COL6A3: variants seen among roughly 807,000 people sequenced by gnomAD.
COL6A3 encodes the protein collagen alpha-3(VI) chain.
A neutral mutation model predicts 274.1 loss-of-function variants in COL6A3; 137 were observed. The ratio of observed to expected loss-of-function variants is 0.50; its 90% CI spans 0.44 to 0.58. The LOEUF (loss-of-function observed/expected upper bound fraction) is 0.58. Ranked by LOEUF, COL6A3 falls within the 20% of genes least tolerant of loss-of-function variation. The pLI, the probability that COL6A3 is intolerant of heterozygous loss-of-function variation, is 0.00. For synonymous variants in COL6A3, 1,650 were observed against 1,650.6 expected (o/e 1.00, Z 0.01); for missense variants, 3,950 against 4,124.9 (o/e 0.96, Z 1.16).
At chr2:237,362,790 A>T (rs1438238647) in intron 14 of COL6A3, among the ~76,000 whole-genome samples, 1 of 152,182 alleles carries the variant, frequency 6.6e-6, no homozygotes, top group African/African-American at 2.4e-5. Context: ...CCTCAGAGGG[A>T]GCTTCATTGA....
chr2:237,349,673 TA>T (rs1439809117), intron 28 of COL6A3, among the ~76,000 whole-genome samples: 1 of 152,256 alleles, frequency 6.6e-6, no homozygotes, highest in African/African-American at 2.4e-5. Flanking sequence ...GGGGCATTTT[TA>T]AATAGCATTT....
rs562463481 is a variant in COL6A3 at position 237,331,953 on chromosome 2, C to T, written c.9328+1497G>A. Among the ~76,000 whole-genome samples the T allele has an allele frequency of 1.0e-4, 15 of 149,050 alleles. 1 individual carries two copies. In the South Asian group the frequency reaches 3.0e-3, roughly 30 times the overall value. On this transcript the variant is annotated intron_variant, in intron 42 of 43. Coordinates refer to ENST00000295550, the MANE Select transcript of COL6A3 (RefSeq NM_004369.4). ...GAAACACAAGCCCCAATTTCAAAAG[C>T]TCTTTTCTCTTTATCACAGGTAGAC...
At chr2:237,384,245 A>C (rs2078086641) in intron 4 of COL6A3, among the ~76,000 whole-genome samples, 1 of 152,150 alleles carries the variant, frequency 6.6e-6, no homozygotes, top group African/African-American at 2.4e-5. Flanking sequence ...TCTGTGAGCC[A>C]CGTCAGGGAT....
chr2:237,361,661 A>C lies in COL6A3; in HGVS notation c.6156+78T>G. On this transcript the variant is annotated intron_variant, in intron 15 of 43. Coordinates refer to ENST00000295550, the MANE Select transcript of COL6A3 (RefSeq NM_004369.4). The surrounding 1 kb of genome is among the most constrained non-coding windows in gnomAD (Gnocchi z 5.1). ...TCCTTCATCTCCACACTCTTCTGTT[A>C]GAGAAATTACCCCACCAAAGTAATG... 1.0e-5 allele frequency: 13 copies of C among 1,271,072 alleles called. No homozygotes were observed. The highest frequency in any genetic ancestry group is 1.5e-5 in the Non-Finnish European group (13 of 867,122). 78.7% of individuals were successfully genotyped at this position (1,271,072 alleles called of 1,614,324 possible). A position where few individuals can be genotyped will look rare whatever the true frequency, so the allele number is the denominator to read the frequency against.
In COL6A3 at chr2:237,377,077, T is replaced by C. The variant is rs778734855; in HGVS notation, c.2765A>G (p.Tyr922Cys). The change falls in exon 7 of 44, where the codon TAT (tyrosine) becomes TGT (cysteine). Residue 922 changes from tyrosine (Y) to cysteine (C), a missense_variant. Transcript: ENST00000295550. ...CTTCACAAAAATGTACCTCTGTGCA[T>C]AGTCCAGCGCGTAGCCCAGGTTGAG... The part of the protein sequence containing the change: ...KALNLGYALD[Y>C]AQRYIFVKSA... 3 of 1,614,232 alleles carry C rather than the reference T, an allele frequency of 1.9e-6. No individual in the cohort carries two copies. Among genetic ancestry groups the C allele is most frequent in the East Asian group, 2.2e-5 (1 of 44,890 alleles).
At chr2:237,370,332 A>C (rs1336179581) in intron 9 of COL6A3, among the ~76,000 whole-genome samples, 1 of 150,318 alleles carries the variant, frequency 6.7e-6, no homozygotes, top group Non-Finnish European at 1.5e-5. Flanking sequence ...TCTGCCTCCC[A>C]GGTTCAAGTG....
At chr2:237,410,303 T>TC (rs999562132) in intron 1 of COL6A3, among the ~76,000 whole-genome samples, 14 of 150,334 alleles carry the variant, frequency 9.3e-5, no homozygotes, top group Non-Finnish European at 2.1e-4. Flanking sequence ...TTCTTTTCTT[T>TC]TTTTTTTTTT....
chr2:237,352,126 C>G (rs1479179725), intron 26 of COL6A3, among the ~76,000 whole-genome samples: 1 of 152,176 alleles, frequency 6.6e-6, no homozygotes, highest in Non-Finnish European at 1.5e-5. Flanking sequence ...CATGGGTGAA[C>G]TTGAGGCACT....
chr2:237,334,759 C>T lies in COL6A3; in HGVS notation c.9096G>A (p.Leu3032=), dbSNP rs147327623. 1 of 1,614,138 alleles carries T rather than the reference C, an allele frequency of 6.2e-7. No individual in the cohort carries two copies. The highest frequency in any genetic ancestry group is 2.2e-5 in the East Asian group (1 of 44,870). Residue 3032 remains leucine (L), a synonymous_variant, in exon 41 of 44, where the codon CTG becomes CTA. Coordinates refer to ENST00000295550, the MANE Select transcript of COL6A3 (RefSeq NM_004369.4). ...LTVTSAHDQS[L]VLKQNLTVTD... ...TGACCGTGAGGTTCTGCTTCAGAAC[C>T]AGGGACTGATCATGGGCTGAGGTGA...
rs767654047 is a variant in COL6A3 at position 237,388,029 on chromosome 2, C to T, written c.865G>A (p.Glu289Lys). ...IRVGVVQFSD[E>K]PRTMFSLDTY... ...TCCAAGGAGAACATGGTTCTGGGCTCATCGCTAAACTGGACCACCCCCACT... is the reference window on the plus strand; with the variant it reads ...TCCAAGGAGAACATGGTTCTGGGCTTATCGCTAAACTGGACCACCCCCACT... Residue 289 changes from glutamate to lysine, a missense_variant, in exon 4 of 44, where the codon GAG becomes AAG. Glu to Lys is a moderately conservative substitution (Grantham distance 56). Transcript: ENST00000295550. The T allele has an allele frequency of 1.2e-6, 2 of 1,614,086 alleles. No homozygotes were observed. The highest frequency in any genetic ancestry group is 2.7e-5 in the African/African-American group (2 of 74,936).
intron 3 of COL6A3, among the ~76,000 whole-genome samples, chr2:237,392,643 T>C (rs1054662720): frequency 6.6e-6 from 1 of 152,260 alleles, no homozygotes; most frequent in African/African-American, 2.4e-5. Context: ...GGTTGCCCAC[T>C]CATTCTTTTT....
At chr2:237,331,352 G>A (rs1700214872) in intron 42 of COL6A3, among the ~76,000 whole-genome samples, 1 of 152,082 alleles carries the variant, frequency 6.6e-6, no homozygotes, top group South Asian at 2.1e-4. Context: ...CCACCCCAGG[G>A]GAAATAGTTA....
chr2:237,383,060 C>T (rs1463449107), intron 4 of COL6A3, among the ~76,000 whole-genome samples: 1 of 152,146 alleles, frequency 6.6e-6, no homozygotes, highest in African/African-American at 2.4e-5. Flanking sequence ...CAGCCTCCCA[C>T]AGTGCTGGGA....
intron 1 of COL6A3, among the ~76,000 whole-genome samples, chr2:237,401,495 G>C (rs914464208): frequency 3.9e-5 from 6 of 152,086 alleles, no homozygotes; most frequent in Admixed American, 3.3e-4. Flanking sequence ...ATTGATTATA[G>C]ATTTCCAAGG....
intron 4 of COL6A3, among the ~76,000 whole-genome samples, chr2:237,387,008 T>A (rs1164372587): frequency 1.3e-5 from 2 of 152,124 alleles, no homozygotes; most frequent in Non-Finnish European, 2.9e-5. Flanking sequence ...ACTCCTACAC[T>A]TCACAAGCAC....
chr2:237,343,988 A>G (rs186474983), intron 36 of COL6A3: 2 of 373,858 alleles, frequency 5.3e-6, no homozygotes, highest in Non-Finnish European at 1.0e-5. Flanking sequence ...ACAGGGGGCC[A>G]TCTTGGGAGG....
At chr2:237,353,941 A>G (rs2077261623) in intron 24 of COL6A3, among the ~76,000 whole-genome samples, 1 of 152,208 alleles carries the variant, frequency 6.6e-6, no homozygotes, top group Non-Finnish European at 1.5e-5. Flanking sequence ...CCAAAGGGAA[A>G]AGTCAAGCTG....
At chr2:237,333,279 C>T (rs1425797270) in intron 42 of COL6A3, 171 bp downstream of exon 42, 2 of 684,302 alleles carry the variant, frequency 2.9e-6, no homozygotes, top group East Asian at 2.7e-5. Flanking sequence ...ACTCCATTTA[C>T]ACCTGGGATT....
chr2:237,408,563 A>ACTCCAG (rs1443373276), intron 1 of COL6A3, among the ~76,000 whole-genome samples: 1 of 152,062 alleles, frequency 6.6e-6, no homozygotes, highest in Non-Finnish European at 1.5e-5. Flanking sequence ...ATCTGAGTCA[A>ACTCCAG]CTCCAGCTGC....
Sources: allele counts gnomAD v4.1 joint callset (sites outside exome capture counted in the v4.1 genomes callset), GRCh38; gene constraint gnomAD v4.1.1; non-coding constraint Gnocchi (gnomAD v3.1); transcripts MANE v1.5; gene names NCBI Gene and HGNC (gene_info 2026-07-23, HGNC 2026-07-21).